FGGY: variants seen among roughly 807,000 people sequenced by gnomAD.
The protein encoded by FGGY is FGGY carbohydrate kinase domain-containing protein.
FGGY carries 72 observed loss-of-function variants against 71.3 expected under a neutral mutation model. The observed-to-expected ratio is 1.01, with a 90% confidence interval of 0.84 to 1.23. FGGY has a LOEUF of 1.23. Among genes scored for constraint, FGGY ranks in the 50% most tolerant of loss-of-function variants. The pLI is 0.00. For missense variants in FGGY, 668 were observed against 682.3 expected, an observed-to-expected ratio of 0.98 and a Z score of 0.23; for synonymous variants, 251 against 250.3, an observed-to-expected ratio of 1.00 and a Z score of -0.02.
intron 6 of FGGY, among the ~76,000 whole-genome samples, chr1:59,502,917 A>T (rs773130511): frequency 1.3e-5 from 2 of 152,210 alleles, no homozygotes; most frequent in Non-Finnish European, 2.9e-5. Context: ...GCATGTTCGG[A>T]TTTCATGACT....
At chr1:59,490,283 C>T (rs2093787837) in intron 6 of FGGY, among the ~76,000 whole-genome samples, 1 of 152,194 alleles carries the variant, frequency 6.6e-6, no homozygotes, top group Admixed American at 6.5e-5. Flanking sequence ...CTCCTGGCCT[C>T]AAGCAATCCT....
intron 9 of FGGY, among the ~76,000 whole-genome samples, chr1:59,619,639 A>G (rs2096789357): frequency 6.6e-6 from 1 of 152,094 alleles, no homozygotes; most frequent in Non-Finnish European, 1.5e-5. Flanking sequence ...CCAAAATGAC[A>G]GTTGCAGGGA....
chr1:59,429,568 G>A (rs1557894988), intron 5 of FGGY, among the ~76,000 whole-genome samples: 1 of 152,166 alleles, frequency 6.6e-6, no homozygotes. Context: ...GGCCAAGTTT[G>A]CTGTCTCCTC....
rs145894153 is a variant in FGGY, at chr1:59,659,920, T to A, written c.1222-299T>A. On this transcript the variant is annotated intron_variant, in intron 11 of 15. Coordinates refer to ENST00000303721, the MANE Select transcript of FGGY (RefSeq NM_018291.5). Reference sequence around the variant, plus strand: ...AGGTATTTGTAAGAAAAGAAAATGTTTTAAAATAAAAAGTATTTAATTATC... The same window carrying A: ...AGGTATTTGTAAGAAAAGAAAATGTATTAAAATAAAAAGTATTTAATTATC... Among the ~76,000 whole-genome samples, 3 of 152,300 alleles carry A rather than the reference T, an allele frequency of 2.0e-5. No homozygotes were observed. The East Asian group carries it at 5.8e-4, about 29-fold the overall frequency.
chr1:59,619,676 A>G (rs534572054), intron 9 of FGGY, among the ~76,000 whole-genome samples: 4 of 152,224 alleles, frequency 2.6e-5, no homozygotes, highest in African/African-American at 9.6e-5. Context: ...GATAGGGTCT[A>G]CATTATTGGC....
At chr1:59,612,434 A>G (rs577511295) in intron 9 of FGGY, among the ~76,000 whole-genome samples, 8 of 152,314 alleles carry the variant, frequency 5.3e-5, no homozygotes, top group African/African-American at 1.7e-4. Context: ...TACTTTACAG[A>G]CAAGCAAATA....
intron 7 of FGGY, among the ~76,000 whole-genome samples, chr1:59,525,391 A>G (rs959258197): frequency 1.3e-5 from 2 of 152,244 alleles, no homozygotes; most frequent in Admixed American, 1.3e-4. Flanking sequence ...CACCAGCCAC[A>G]GAGGTTTCCG....
At chr1:59,405,863 C>T (rs928886572) in intron 5 of FGGY, among the ~76,000 whole-genome samples, 6 of 151,860 alleles carry the variant, frequency 4.0e-5, no homozygotes, top group Non-Finnish European at 7.4e-5. Context: ...TGCTATGTTA[C>T]GATGATCTCC....
At chr1:59,636,120 A>G (rs555205317) in intron 10 of FGGY, among the ~76,000 whole-genome samples, 1 of 152,260 alleles carries the variant, frequency 6.6e-6, no homozygotes, top group South Asian at 2.1e-4. Flanking sequence ...GCAGATGAGA[A>G]TGAGCTATTA....
chr1:59,554,051 G>A (rs1176665624), intron 7 of FGGY, 73 bp from the exon 8 acceptor site: 4 of 1,190,918 alleles, frequency 3.4e-6, no homozygotes, highest in Middle Eastern at 2.0e-4. Context: ...ATTTGTTAAT[G>A]CTTGTTTTTA....
rs182572466 is a variant in FGGY at position 59,740,864 on chromosome 1, G to A, written c.1513-17067G>A. ...AGTTAAACGTATTTATTGAACCCGCGAGATGTGGCTAGTCCAAATTGCAAT... is the reference window on the plus strand; with the variant it reads ...AGTTAAACGTATTTATTGAACCCGCAAGATGTGGCTAGTCCAAATTGCAAT... On this transcript the variant is annotated intron_variant, in intron 14 of 15. Coordinates refer to ENST00000303721, the MANE Select transcript of FGGY (RefSeq NM_018291.5). Among the ~76,000 whole-genome samples the A allele has an allele frequency of 2.0e-3, 303 of 152,266 alleles. 2 individuals are homozygous for A. Among genetic ancestry groups the A allele is most frequent in the African/African-American group, 6.9e-3 (285 of 41,532 alleles).
chr1:59,588,196 G>C (rs966122704), intron 8 of FGGY, among the ~76,000 whole-genome samples: 49 of 152,188 alleles, frequency 3.2e-4, no homozygotes, highest in African/African-American at 1.2e-3. Context: ...GGGTATCAGG[G>C]ATGGAAGATG....
chr1:59,737,956 G>A (rs979982340), intron 14 of FGGY, among the ~76,000 whole-genome samples: 4 of 152,128 alleles, frequency 2.6e-5, no homozygotes, highest in African/African-American at 7.2e-5. Context: ...TCATGGGGGC[G>A]AGAGCAAACT....
At chr1:59,654,385 T>G (rs1460277222) in intron 11 of FGGY, among the ~76,000 whole-genome samples, 1 of 152,192 alleles carries the variant, frequency 6.6e-6, no homozygotes, top group Non-Finnish European at 1.5e-5. Context: ...CATTTCTGCC[T>G]CTCCATTGTG....
At chr1:59,502,502 G>A (rs1013000178) in intron 6 of FGGY, among the ~76,000 whole-genome samples, 10 of 152,146 alleles carry the variant, frequency 6.6e-5, no homozygotes, top group Non-Finnish European at 2.9e-5. Flanking sequence ...ATGATTTCAA[G>A]CTAAAAAGAC....
intron 5 of FGGY, among the ~76,000 whole-genome samples, chr1:59,429,017 C>G (rs2066874958): frequency 6.6e-6 from 1 of 152,206 alleles, no homozygotes; most frequent in Non-Finnish European, 1.5e-5. Flanking sequence ...TTTCTCTGGT[C>G]TAGGTGTGCT....
intron 7 of FGGY, 73 bp from the exon 8 acceptor site, chr1:59,554,051 G>C: frequency 8.4e-7 from 1 of 1,190,918 alleles, no homozygotes; most frequent in Non-Finnish European, 1.2e-6. Context: ...ATTTGTTAAT[G>C]CTTGTTTTTA....
intron 8 of FGGY, among the ~76,000 whole-genome samples, chr1:59,595,118 C>T (rs2096504669): frequency 6.6e-6 from 1 of 152,172 alleles, no homozygotes; most frequent in Non-Finnish European, 1.5e-5. Context: ...ATCAAATCCC[C>T]ATTCTGCTAC....
At chr1:59,399,984 T>G (rs2061750348) in intron 5 of FGGY, among the ~76,000 whole-genome samples, 1 of 152,210 alleles carries the variant, frequency 6.6e-6, no homozygotes, top group Non-Finnish European at 1.5e-5. Flanking sequence ...GCTTTTCTGT[T>G]CTCAAAGTTG....
Sources: gnomAD v4.1 joint callset for allele counts (sites outside exome capture counted in the v4.1 genomes callset) on GRCh38, gnomAD v4.1.1 for gene constraint, MANE v1.5 for transcripts, NCBI Gene and HGNC (gene_info 2026-07-23, HGNC 2026-07-21) for gene names.